IL9R: variants seen among roughly 807,000 people sequenced by gnomAD.
IL9R encodes interleukin 9 receptor.
IL9R carries 54 observed loss-of-function variants against 56.3 expected under a neutral mutation model. That is an observed-to-expected ratio of 0.96 (90% CI 0.77 to 1.20). The LOEUF (loss-of-function observed/expected upper bound fraction) is 1.20. Ranked by LOEUF, IL9R falls within the 50% of genes most tolerant of loss-of-function variation. IL9R has a pLI of 0.00. For missense variants in IL9R, 545 were observed against 629.8 expected, an observed-to-expected ratio of 0.87 and a Z score of 1.44; for synonymous variants, 212 against 250.2, an observed-to-expected ratio of 0.85 and a Z score of 1.44.
intron 7 of IL9R, 27 bp downstream of exon 7, chrX:156,006,215 T>C: frequency 1.2e-6 from 1 of 847,834 alleles, no homozygotes; most frequent in Non-Finnish European, 2.0e-6. Flanking sequence ...TGCGTGTGTG[T>C]ACATGTGTGA....
rs2067239048 is a variant in IL9R, at chrX:155,997,731, C to T, written c.-29C>T. On this transcript the variant is annotated 5_prime_UTR_variant, in exon 1 of 9. Transcript: ENST00000244174. ...CAGAGATAGTTGGGTGACAAATCAC[C>T]TCCAGGTTGGGGATGCCTCAGACTT... 1.2e-6 allele frequency: 2 copies of T among 1,612,714 alleles called. No homozygotes were observed. Among genetic ancestry groups the T allele is most frequent in the South Asian group, 1.1e-5 (1 of 91,036 alleles).
chrX:156,003,996 G>T, intron 4 of IL9R, 141 bp downstream of exon 4: 1 of 914,636 alleles, frequency 1.1e-6, no homozygotes, highest in East Asian at 2.6e-5. Context: ...CAGGGCTGGG[G>T]GCAGGCTTGG....
intron 5 of IL9R, among the ~76,000 whole-genome samples, chrX:156,005,043 G>C (rs1314441848): frequency 6.6e-6 from 1 of 152,022 alleles, no homozygotes; most frequent in Admixed American, 6.5e-5. Flanking sequence ...TGTTCCTGTA[G>C]ACATGTTTGC....
rs1231489603 is a variant in IL9R at position 156,003,871 on chromosome X, A to G, written c.433+16A>G. ...CGGAGACACGGTGAGCAGCAGCTAT[A>G]GGTCTGGGGCGGGGCCGCTTGGCAA... On this transcript the variant is annotated intron_variant, in intron 4 of 8. Coordinates refer to ENST00000244174, the MANE Select transcript of IL9R (RefSeq NM_002186.3). The G allele has an allele frequency of 6.2e-7, 1 of 1,613,540 alleles. No homozygotes were observed. Among genetic ancestry groups the G allele is most frequent in the Admixed American group, 1.7e-5 (1 of 60,008 alleles).
At chrX:156,007,174 G>T (rs1184336694) in intron 7 of IL9R, among the ~76,000 whole-genome samples, 2 of 135,352 alleles carry the variant, frequency 1.5e-5, no homozygotes, top group African/African-American at 5.7e-5. Context: ...CACTGGGTGG[G>T]GTGGGAGCCA....
intron 1 of IL9R, among the ~76,000 whole-genome samples, chrX:155,999,525 A>C (rs1603102979): frequency 1.3e-5 from 2 of 150,886 alleles, no homozygotes; most frequent in African/African-American, 2.4e-5. Context: ...GCCCATCCCT[A>C]CCCCTGTCAG....
In IL9R at chrX:156,006,143, T is replaced by C. The variant is rs773179155; in HGVS notation, c.842T>C (p.Leu281Pro). The stretch of plus-strand genomic sequence containing the variant: ...ACCCTTGTTGCTGTGTCCATCTTTC[T>C]CCTGCTGACTGGCCCGACCTACCTC... ...GNTLVAVSIF[L>P]LLTGPTYLLF... Residue 281 changes from leucine (L) to proline (P), a missense_variant, in exon 7 of 9, where the codon CTC (leucine) becomes CCC (proline). Leu to Pro is a moderately conservative substitution (Grantham distance 98, BLOSUM62 -3). This residue lies in a region of IL9R where 431 missense variants were observed against 360.0 expected (regional missense o/e 1.20). Transcript: ENST00000244174. 4 of 1,550,974 alleles carry C rather than the reference T, an allele frequency of 2.6e-6. No homozygotes were observed. The South Asian group carries it at 4.5e-5, about 17-fold the overall frequency.
At chrX:156,008,447 T>A (rs1462760819) in intron 8 of IL9R, among the ~76,000 whole-genome samples, 1 of 151,806 alleles carries the variant, frequency 6.6e-6, no homozygotes, top group Non-Finnish European at 1.5e-5. Flanking sequence ...AAAATATAAT[T>A]TGAACCATGA....
At chrX:156,001,867 G>A (rs777711896) in intron 1 of IL9R, among the ~76,000 whole-genome samples, 109 of 152,250 alleles carry the variant, frequency 7.2e-4, no homozygotes, top group Admixed American at 1.2e-3. Flanking sequence ...CAGGCCTCAC[G>A]CTCCAGCATC....
rs758528025 is a variant in IL9R, at chrX:156,003,714, C to A, written c.292C>A (p.Arg98=). The A allele has an allele frequency of 1.2e-6, 2 of 1,613,530 alleles. No individual in the cohort carries two copies. The highest frequency in any genetic ancestry group is 2.2e-5 in the South Asian group (2 of 90,976). ...TGGCGGCACACATAAGTGCATCTTG[C>A]GGGGCAGTGAGTGCACCGTCGTGCT... ...APGGTHKCIL[R]GSECTVVLPP... The change falls in exon 4 of 9, where the codon CGG becomes AGG. Residue 98 remains arginine (R), a synonymous_variant. Coordinates refer to ENST00000244174, the MANE Select transcript of IL9R (RefSeq NM_002186.3).
chrX:156,004,472 C>T lies in IL9R; in HGVS notation c.486C>T (p.Cys162=), dbSNP rs765274133. Residue 162 remains cysteine, a synonymous_variant, in exon 5 of 9, where the codon TGC becomes TGT. Coordinates refer to ENST00000244174, the MANE Select transcript of IL9R (RefSeq NM_002186.3). ...AGAGCAACATCAGTTCTGGCCACTGCATCCTGACCTGGAGCATCAGTCCTG... is the reference window on the plus strand; with the variant it reads ...AGAGCAACATCAGTTCTGGCCACTGTATCCTGACCTGGAGCATCAGTCCTG... The part of the protein sequence containing the change: ...DLQSNISSGH[C]ILTWSISPAL... 6.2e-7 allele frequency: 1 copy of T among 1,613,818 alleles called. No homozygotes were observed. The highest frequency in any genetic ancestry group is 1.3e-5 in the African/African-American group (1 of 75,044).
intron 1 of IL9R, 117 bp from the exon 2 acceptor site, chrX:156,002,789 G>A (rs1273497516): frequency 2.2e-6 from 3 of 1,390,520 alleles, no homozygotes; most frequent in Admixed American, 1.7e-5. Context: ...TAGGACACAG[G>A]ACACTGTGTG....
intron 7 of IL9R, among the ~76,000 whole-genome samples, chrX:156,007,081 G>A (rs2068021457): frequency 6.6e-6 from 1 of 151,894 alleles, no homozygotes; most frequent in African/African-American, 2.4e-5. Context: ...AAGTCTATTT[G>A]GACCTGTTGG....
Position 156,006,142 on chromosome X carries a change from C to G in IL9R, c.841C>G (p.Leu281Val), listed in dbSNP as rs1192919568. ...CACCCTTGTTGCTGTGTCCATCTTT[C>G]TCCTGCTGACTGGCCCGACCTACCT... ...GNTLVAVSIF[L>V]LLTGPTYLLF... Residue 281 changes from leucine to valine, a missense_variant, in exon 7 of 9, where the codon CTC becomes GTC. Physicochemically the swap from Leu to Val is conservative, Grantham distance 32. This residue lies in a region of IL9R where 431 missense variants were observed against 360.0 expected (regional missense o/e 1.20). Transcript: ENST00000244174. 1 of 1,549,618 alleles carries G rather than the reference C, an allele frequency of 6.5e-7. No homozygotes were observed. The highest frequency in any genetic ancestry group is 8.9e-7 in the Non-Finnish European group (1 of 1,124,164).
chrX:156,003,466 T>C lies in IL9R; in HGVS notation c.160T>C (p.Phe54Leu). ...GEGQGPRSRT[F>L]TCLTNNILRI... ...GTCTCCAGGGCCAAGGTCTAGAACC[T>C]TCACCTGCCTCACCAACAACATTCT... is the stretch of plus-strand genomic sequence containing the variant. The change falls in exon 3 of 9, where the codon TTC becomes CTC. Residue 54 changes from phenylalanine (F) to leucine (L), a missense_variant. Physicochemically the swap from Phe to Leu is conservative, Grantham distance 22. This residue lies in a region of IL9R where 431 missense variants were observed against 360.0 expected (regional missense o/e 1.20). Coordinates refer to ENST00000244174, the MANE Select transcript of IL9R (RefSeq NM_002186.3). The C allele has an allele frequency of 6.2e-7, 1 of 1,611,726 alleles. No individual in the cohort carries two copies. Among genetic ancestry groups the C allele is most frequent in the African/African-American group, 1.3e-5 (1 of 74,964 alleles).
intron 4 of IL9R, 110 bp downstream of exon 4, chrX:156,003,965 C>T (rs2067727526): frequency 1.7e-6 from 2 of 1,149,990 alleles, no homozygotes; most frequent in East Asian, 2.5e-5. Context: ...TGAGTGTTCT[C>T]AGTCCCAGCC....
chrX:156,009,155 GTGTTTA>G (rs1419664375), intron 8 of IL9R, among the ~76,000 whole-genome samples: 3 of 148,000 alleles, frequency 2.0e-5, no homozygotes, highest in Admixed American at 1.3e-4. Flanking sequence ...GTGTGTGTTT[GTGTTTA>G]TGTGTGTATG....
chrX:156,007,634 T>A, intron 8 of IL9R, 27 bp downstream of exon 8: 1 of 1,236,482 alleles, frequency 8.1e-7, no homozygotes, highest in Non-Finnish European at 1.1e-6. Context: ...CAGAAGGACA[T>A]GGGGGGCAGG....
In IL9R at chrX:156,010,268, T is replaced by A; in HGVS notation, c.1425T>A (p.Ser475=). The A allele has an allele frequency of 8.2e-7, 1 of 1,214,172 alleles. No homozygotes were observed. The highest frequency in any genetic ancestry group is 1.1e-6 in the Non-Finnish European group (1 of 918,634). 75.2% of individuals were successfully genotyped at this position (1,214,172 alleles called of 1,614,324 possible). A position where few individuals can be genotyped will look rare whatever the true frequency, so the allele number is the denominator to read the frequency against. The change falls in exon 9 of 9, where the codon TCT becomes TCA. Residue 475 remains serine (S), a synonymous_variant. Coordinates refer to ENST00000244174, the MANE Select transcript of IL9R (RefSeq NM_002186.3). ...TCCCAGCCCTGGCCTGTGGCCTTTC[T>A]TGTGACCATCAGGGCCTGGAGACCC... is the stretch of plus-strand genomic sequence containing the variant. ...GPIPALACGL[S]CDHQGLETQQ... is the part of the protein sequence containing the mutation.
Sources: gnomAD v4.1 joint callset for allele counts (sites outside exome capture counted in the v4.1 genomes callset) on GRCh38, gnomAD v4.1.1 for gene constraint, gnomAD v4.1.1 regional missense constraint, MANE v1.5 for transcripts, NCBI Gene and HGNC (gene_info 2026-07-23, HGNC 2026-07-21) for gene names.